Variants in TTN observed in about 807,000 individuals in gnomAD.
The protein encoded by TTN is connectin.
Under a neutral mutation model 3,223.0 loss-of-function variants are expected in TTN, and 1,525 were observed. The observed-to-expected ratio is 0.47, with a 90% CI of 0.45 to 0.49. The LOEUF (loss-of-function observed/expected upper bound fraction) is 0.49. TTN is among the 20% of genes least tolerant of loss of function. TTN has a pLI of 0.00. For missense variants in TTN, 40,786 were observed against 43,424.0 expected (o/e 0.94, Z 5.40); for synonymous variants, 14,094 against 15,161.0 (o/e 0.93, Z 5.17).
chr2:178,580,764 G>A (rs1317571304), intron 316 of TTN, 155 bp from the exon 317 acceptor site: 1 of 758,922 alleles, frequency 1.3e-6, no homozygotes, highest in Non-Finnish European at 2.1e-6. Flanking sequence ...TCATTTTTCT[G>A]TTCTGTACTA....
At chr2:178,724,646 GCTCT>G (rs1452598264) in intron 71 of TTN, 108 bp from the exon 72 acceptor site, 13 of 1,185,482 alleles carry the variant, frequency 1.1e-5, no homozygotes, top group Admixed American at 3.5e-5. Flanking sequence ...ATGTTAGGGT[GCTCT>G]CTCTCTCGAC....
Position 178,790,799 on chromosome 2 carries a change from G to A in TTN, c.1709C>T (p.Ala570Val), listed in dbSNP as rs146690035. 247 of 1,614,060 alleles carry A rather than the reference G, an allele frequency of 1.5e-4. No individual in the cohort carries two copies. In the East Asian group the frequency reaches 5.0e-3, roughly 32 times the overall value. Residue 570 changes from alanine (A) to valine (V), a missense_variant, in exon 11 of 363, where the codon GCC becomes GTC. By Grantham distance (64) the Ala-to-Val change is moderately conservative. Transcript: ENST00000589042. ...TTCTAGTTTTGTGGACTTTGCAGTG[G>A]CAACTACCACCATGGATGCAGCAGT... ...EITAASMVVV[A>V]TAKSTKLETV...
In TTN at chr2:178,695,035, A is replaced by AT. The variant is rs1326426160; in HGVS notation, c.31271-130dup. On this transcript the variant is annotated intron_variant, in intron 115 of 362. Transcript: ENST00000589042. ...AAGTGTATATGCAGATACATGTATC[A>AT]TTTTTTAAAGAGAGAGATGAGTTCG... 4.3e-6 allele frequency: 3 copies of AT among 696,122 alleles called. No individual in the cohort carries two copies. In the African/African-American group the frequency reaches 5.4e-5, roughly 13 times the overall value. The allele number at this position is 696,122 out of a possible 1,614,324, so 43.1% of individuals were successfully genotyped here.
At chr2:178,761,602 CT>C (rs899368363) in intron 43 of TTN, among the ~76,000 whole-genome samples, 3 of 152,160 alleles carry the variant, frequency 2.0e-5, no homozygotes, top group Non-Finnish European at 4.4e-5. Context: ...ACATCTTTCT[CT>C]GGCTCTCTCC....
At chr2:178,713,603 C>T (rs1230044453) in intron 92 of TTN, among the ~76,000 whole-genome samples, 2 of 151,986 alleles carry the variant, frequency 1.3e-5, no homozygotes, top group Admixed American at 6.6e-5. Flanking sequence ...CTCTCTTTGC[C>T]GTGAAGAATT....
rs373473272 is a variant in TTN, at chr2:178,756,509, G to A, written c.10967C>T (p.Thr3656Met). 1.8e-5 allele frequency: 29 copies of A among 1,613,600 alleles called. No individual in the cohort carries two copies. The highest frequency in any genetic ancestry group is 3.3e-5 in the Admixed American group (2 of 59,970). Residue 3656 changes from threonine to methionine, a missense_variant, in exon 46 of 363, where the codon ACG (threonine) becomes ATG (methionine). Coordinates refer to ENST00000589042, the MANE Select transcript of TTN (RefSeq NM_001267550.2). Reference sequence around the variant, plus strand: ...CAGGAAAATCTTGGGCGCCTCACCCGTGGACTCTTTAGCACATTCCTTAGA... The same window carrying A: ...CAGGAAAATCTTGGGCGCCTCACCCATGGACTCTTTAGCACATTCCTTAGA... ...ELSKECAKESTGEAPKIFLHL... is the reference protein window; with the variant it reads ...ELSKECAKESMGEAPKIFLHL...
Position 178,723,465 on chromosome 2 carries a change from G to A in TTN, c.21635C>T (p.Ser7212Phe). ...GCAAGATGCTTGGCCAGCGTTGTTA[G>A]AAACCACACAGGTGTATTCCCCACT... ...SQSGEYTCVV[S>F]NNAGQASCTT... Residue 7212 changes from serine to phenylalanine, a missense_variant, in exon 74 of 363, where the codon TCT becomes TTT. Physicochemically the swap from Ser to Phe is radical, Grantham distance 155. Transcript: ENST00000589042. 3 of 1,613,294 alleles carry A rather than the reference G, an allele frequency of 1.9e-6. No homozygotes were observed. The highest frequency in any genetic ancestry group is 1.3e-5 in the African/African-American group (1 of 75,016).
At position 178,635,939 on chromosome 2, in the gene TTN, G is replaced by A. The variant is rs1035277514; in HGVS notation, c.41608+24C>T. The stretch of plus-strand genomic sequence containing the variant: ...TTCTTAGTGTAACAATAAGCAGAAC[G>A]AAATCTCCCAGGAAAGTACTAACCT... On this transcript the variant is annotated intron_variant, in intron 226 of 362. Coordinates refer to ENST00000589042, the MANE Select transcript of TTN (RefSeq NM_001267550.2). 12 of 1,555,734 alleles carry A rather than the reference G, an allele frequency of 7.7e-6. No individual in the cohort carries two copies. In the East Asian group the frequency reaches 1.6e-4, roughly 20 times the overall value.
At position 178,702,586 on chromosome 2, in the gene TTN, C is replaced by T; in HGVS notation, c.30301G>A (p.Val10101Met). The change falls in exon 107 of 363, where the codon GTG becomes ATG. Residue 10101 changes from valine (V) to methionine (M), a missense_variant. Transcript: ENST00000589042. ...EHQSATFECE[V>M]SFDDAIVTWY... is the part of the protein sequence containing the mutation. ...GTTACAATGGCATCATCAAAGGACA[C>T]TTCACACTCAAAGGTGGCAGACTGA... 1 of 1,613,974 alleles carries T rather than the reference C, an allele frequency of 6.2e-7. No individual in the cohort carries two copies. Among genetic ancestry groups the T allele is most frequent in the Non-Finnish European group, 8.5e-7 (1 of 1,179,892 alleles).
In TTN at chr2:178,532,510, T is replaced by C. The variant is rs1190780620; in HGVS notation, c.104105A>G (p.His34702Arg). 1.2e-6 allele frequency: 2 copies of C among 1,613,846 alleles called. No homozygotes were observed. Among genetic ancestry groups the C allele is most frequent in the East Asian group, 2.2e-5 (1 of 44,898 alleles). The part of the protein sequence containing the change: ...SASPPSRSPP[H>R]FELSSLRYSS... Reference sequence around the variant, plus strand: ...GTAACGTAGGCTAGAAAGCTCAAAGTGTGGAGGGCTTCGACTTGGGGGTGA... The same window carrying C: ...GTAACGTAGGCTAGAAAGCTCAAAGCGTGGAGGGCTTCGACTTGGGGGTGA... Residue 34702 changes from histidine to arginine, a missense_variant, in exon 358 of 363, where the codon CAC (histidine) becomes CGC (arginine). By Grantham distance (29) the His-to-Arg change is conservative. Coordinates refer to ENST00000589042, the MANE Select transcript of TTN (RefSeq NM_001267550.2).
At chr2:178,555,736 C>G (rs1400068895) in intron 330 of TTN, 2 of 152,642 alleles carry the variant, frequency 1.3e-5, no homozygotes, top group Admixed American at 1.3e-4. Flanking sequence ...AAATAATGAA[C>G]AGCCCTGAGA....
chr2:178,599,610 A>T lies in TTN; in HGVS notation c.56291T>A (p.Ile18764Asn). 1.2e-6 allele frequency: 2 copies of T among 1,608,434 alleles called. No homozygotes were observed. Among genetic ancestry groups the T allele is most frequent in the African/African-American group, 1.3e-5 (1 of 74,798 alleles). The change falls in exon 289 of 363, where the codon ATC (isoleucine) becomes AAC (asparagine). Residue 18764 changes from isoleucine to asparagine, a missense_variant. Coordinates refer to ENST00000589042, the MANE Select transcript of TTN (RefSeq NM_001267550.2). ...TGTTCCCAGATTATTTACAGCTGTG[A>T]TGGTATATAAGCCAGTGTCACTCCT... ...SRRSDTGLYTITAVNNLGTAS... is the reference protein window; with the variant it reads ...SRRSDTGLYTNTAVNNLGTAS...
chr2:178,766,524 T>C lies in TTN; in HGVS notation c.9560A>G (p.Asn3187Ser). The change falls in exon 41 of 363, where the codon AAT (asparagine) becomes AGT (serine). Residue 3187 changes from asparagine to serine, a missense_variant. By Grantham distance (46) the Asn-to-Ser change is conservative (BLOSUM62 1). Transcript: ENST00000589042. The part of the protein sequence containing the change: ...AHWYKDGIEI[N>S]FQVQERHKYV... ...TTTGTGTCGTTCTTGAACTTGGAAA[T>C]TGATTTCAATGCCATCTTTATACCA... is the stretch of plus-strand genomic sequence containing the variant. 6.2e-7 allele frequency: 1 copy of C among 1,614,136 alleles called. No individual in the cohort carries two copies. The highest frequency in any genetic ancestry group is 1.3e-5 in the African/African-American group (1 of 75,060).
In TTN at chr2:178,729,660, G is replaced by C; in HGVS notation, c.18589+4C>G. On this transcript the variant is annotated splice_donor_region_variant and intron_variant, in intron 63 of 362. Coordinates refer to ENST00000589042, the MANE Select transcript of TTN (RefSeq NM_001267550.2). ...AAAATGGAGAATAGATTCCATTCAC[G>C]AACCTTTCACTTTGAGTTCAATGCT... is the stretch of plus-strand genomic sequence containing the variant. 1 of 1,613,618 alleles carries C rather than the reference G, an allele frequency of 6.2e-7. No homozygotes were observed. The highest frequency in any genetic ancestry group is 2.2e-5 in the East Asian group (1 of 44,856).
chr2:178,711,863 T>TA, intron 96 of TTN, 81 bp downstream of exon 96: 1 of 1,486,652 alleles, frequency 6.7e-7, no homozygotes, highest in Non-Finnish European at 8.9e-7. Flanking sequence ...AAGATTTTCC[T>TA]AAAAAATAGG....
Position 178,766,410 on chromosome 2 carries a change from T to C in TTN, c.9674A>G (p.Asn3225Ser), listed in dbSNP as rs202011992. ...GACATAGAGAGTGACAGAACTCCTG[T>C]TCCTTCCTGCCACAAAGGTGTATTC... Reference protein sequence around the residue: ...AGEYTFVAGRNRSSVTLYVNA... With the variant: ...AGEYTFVAGRSRSSVTLYVNA... The change falls in exon 41 of 363, where the codon AAC becomes AGC. Residue 3225 changes from asparagine (N) to serine (S), a missense_variant. Transcript: ENST00000589042. 9.9e-5 allele frequency: 160 copies of C among 1,613,868 alleles called. 1 individual carries two copies. Among genetic ancestry groups the C allele is most frequent in the Non-Finnish European group, 1.3e-4 (149 of 1,179,884 alleles).
intron 218 of TTN, 27 bp from the exon 219 acceptor site, chr2:178,642,344 G>A: frequency 2.6e-6 from 4 of 1,547,510 alleles, no homozygotes; most frequent in Non-Finnish European, 3.5e-6. Flanking sequence ...TTCAAATTTT[G>A]AAGTGAATTT....
In TTN at chr2:178,718,450, A is replaced by G; in HGVS notation, c.24656T>C (p.Ile8219Thr). The change falls in exon 85 of 363, where the codon ATT (isoleucine) becomes ACT (threonine). Residue 8219 changes from isoleucine (I) to threonine (T), a missense_variant. By Grantham distance (89) the Ile-to-Thr change is moderately conservative (BLOSUM62 -1). Transcript: ENST00000589042. ...TATGGTAGATTTTTCTGTCATAGTA[A>G]TACTGCATCTCTCAGATTGTGAAAT... ...YLISQSERCS[I>T]TMTEKSTILE... 6.2e-7 allele frequency: 1 copy of G among 1,613,778 alleles called. No homozygotes were observed. Among genetic ancestry groups the G allele is most frequent in the Admixed American group, 1.7e-5 (1 of 60,010 alleles).
chr2:178,550,399 C>G (rs1698902454), intron 336 of TTN, 126 bp from the exon 337 acceptor site: 1 of 739,256 alleles, frequency 1.4e-6, no homozygotes. Context: ...GCTACCAAAG[C>G]CTATTTTGAA....
Sources: allele counts gnomAD v4.1 joint callset (sites outside exome capture counted in the v4.1 genomes callset), GRCh38; gene constraint gnomAD v4.1.1; transcripts MANE v1.5; gene names NCBI Gene and HGNC (gene_info 2026-07-23, HGNC 2026-07-21).